Variants in SAMD13 observed in about 807,000 individuals in gnomAD.
SAMD13 encodes sterile alpha motif domain-containing protein 13.
In SAMD13, 9 loss-of-function variants were observed where a neutral mutation model predicts 12.4. The observed-to-expected ratio is 0.72, with a 90% CI of 0.44 to 1.26. The LOEUF is 1.26. Among genes scored for constraint, SAMD13 ranks in the 50% most tolerant of loss-of-function variants. SAMD13 has a pLI of 0.00. For synonymous variants in SAMD13, 46 were observed against 45.4 expected (o/e 1.01, Z -0.05); for missense variants, 84 against 119.6 (o/e 0.70, Z 1.39).
At chr1:84,341,078 G>A (rs1414495433) in intron 3 of SAMD13, among the ~76,000 whole-genome samples, 1 of 152,164 alleles carries the variant, frequency 6.6e-6, no homozygotes, top group East Asian at 1.9e-4. Flanking sequence ...TATATCATCA[G>A]CCCCACCTCA....
At chr1:84,300,225 C>G (rs1260095113), upstream of SAMD13, among the ~76,000 whole-genome samples, 2 of 152,312 alleles carry the variant, frequency 1.3e-5, no homozygotes, top group African/African-American at 4.8e-5. Context: ...GGTGAAAGAT[C>G]CACATGCCTG....
intron 3 of SAMD13, among the ~76,000 whole-genome samples, chr1:84,335,315 A>T (rs561128232): frequency 5.3e-5 from 8 of 151,998 alleles, no homozygotes; most frequent in Admixed American, 2.0e-4. Flanking sequence ...TCTTTTTTTT[A>T]AAATCGTTGT....
intron 3 of SAMD13, among the ~76,000 whole-genome samples, chr1:84,348,698 T>C (rs980748453): frequency 2.0e-5 from 3 of 152,180 alleles, no homozygotes; most frequent in African/African-American, 7.2e-5. Flanking sequence ...AAGCCTGTTT[T>C]TATTTCACCC....
chr1:84,349,803 A>G lies in SAMD13; in HGVS notation c.*29A>G, dbSNP rs546759596. On this transcript the variant is annotated 3_prime_UTR_variant, in exon 4 of 4. Transcript: ENST00000394834. Reference sequence around the variant, plus strand: ...AGTCAAATTGGGGTCTTCGACCTCAAAAAATACATAATGACATAATTTAGT... The same window carrying G: ...AGTCAAATTGGGGTCTTCGACCTCAGAAAATACATAATGACATAATTTAGT... The G allele has an allele frequency of 4.4e-6, 7 of 1,587,560 alleles. No homozygotes were observed. The highest frequency in any genetic ancestry group is 1.1e-5 in the South Asian group (1 of 87,832).
intron 2 of SAMD13, among the ~76,000 whole-genome samples, chr1:84,314,752 C>A (rs1678792726): frequency 6.6e-6 from 1 of 152,078 alleles, no homozygotes; most frequent in South Asian, 2.1e-4. Context: ...ACTATTAGCT[C>A]CCAAGACATT....
chr1:84,314,471 C>G (rs1362144718), intron 2 of SAMD13, among the ~76,000 whole-genome samples: 2 of 152,162 alleles, frequency 1.3e-5, no homozygotes, highest in Non-Finnish European at 2.9e-5. Context: ...TATCAAGCCT[C>G]AGATGTATCT....
At chr1:84,349,331 G>C (rs1679599927) in intron 3 of SAMD13, among the ~76,000 whole-genome samples, 1 of 152,168 alleles carries the variant, frequency 6.6e-6, no homozygotes, top group Admixed American at 6.5e-5. Flanking sequence ...TTCAGAAGCA[G>C]CATCTTTGAT....
At chr1:84,299,477 T>C (rs956989007), upstream of SAMD13, 2 of 481,296 alleles carry the variant, frequency 4.2e-6, no homozygotes, top group Admixed American at 4.6e-5. Context: ...CCTCTCCCCC[T>C]CACCCCCACA....
At position 84,302,781 on chromosome 1, in the gene SAMD13, A is replaced by C; in HGVS notation, c.-32-422A>C. 5 of 670,440 alleles carry C rather than the reference A, an allele frequency of 7.5e-6. No individual in the cohort carries two copies. In the African/African-American group the frequency reaches 7.9e-5, roughly 11 times the overall value. 41.5% of individuals were successfully genotyped at this position (670,440 alleles called of 1,614,324 possible). On this transcript the variant is annotated intron_variant, in intron 1 of 3. Coordinates refer to ENST00000394834, the MANE Select transcript of SAMD13 (RefSeq NM_001134663.2). ...GCAAGGGGGAGTGGACAAAAAAAAA[A>C]CCAAACACAATAAGAAAAAACAAAT...
chr1:84,312,902 A>G (rs1430050961), intron 2 of SAMD13, among the ~76,000 whole-genome samples: 2 of 152,156 alleles, frequency 1.3e-5, no homozygotes, highest in Non-Finnish European at 2.9e-5. Context: ...ATCAGGGGAA[A>G]TGTTATATGA....
At chr1:84,312,279 C>G (rs994285847) in intron 2 of SAMD13, among the ~76,000 whole-genome samples, 1 of 151,874 alleles carries the variant, frequency 6.6e-6, no homozygotes, top group African/African-American at 2.4e-5. Flanking sequence ...TTGCTATGTT[C>G]CAACAAATTG....
chr1:84,340,368 A>G (rs1017990397), intron 3 of SAMD13, among the ~76,000 whole-genome samples: 7 of 152,240 alleles, frequency 4.6e-5, no homozygotes, highest in Non-Finnish European at 1.0e-4. Context: ...TAAAATAGGC[A>G]AATTCATAGA....
intron 3 of SAMD13, among the ~76,000 whole-genome samples, chr1:84,328,750 A>G (rs1679112651): frequency 6.6e-6 from 1 of 152,170 alleles, no homozygotes; most frequent in Non-Finnish European, 1.5e-5. Flanking sequence ...TAGAAAATGC[A>G]GGCCTTCTCC....
chr1:84,313,131 C>T (rs1678751035), intron 2 of SAMD13, among the ~76,000 whole-genome samples: 1 of 152,082 alleles, frequency 6.6e-6, no homozygotes, highest in Admixed American at 6.6e-5. Flanking sequence ...TGTGCACATA[C>T]TCTATGTATC....
At chr1:84,328,089 G>A (rs1679097522) in intron 3 of SAMD13, among the ~76,000 whole-genome samples, 1 of 152,158 alleles carries the variant, frequency 6.6e-6, no homozygotes, top group African/African-American at 2.4e-5. Context: ...AAAGCCCTTT[G>A]CAGGTTGAGC....
At chr1:84,325,552 C>A (rs1044733366) in intron 2 of SAMD13, 85 bp from the exon 3 acceptor site, 2 of 771,848 alleles carry the variant, frequency 2.6e-6, no homozygotes, top group South Asian at 1.5e-5. Context: ...ACATGAAAGG[C>A]CTGTCCCAGA....
chr1:84,345,182 C>A (rs1300198497), intron 3 of SAMD13: 6 of 456,198 alleles, frequency 1.3e-5, no homozygotes, highest in Non-Finnish European at 2.6e-5. Context: ...CAGTAAATGG[C>A]AAGAGAGTTG....
chr1:84,320,303 TCTAAG>T (rs1238633449), intron 2 of SAMD13, among the ~76,000 whole-genome samples: 1 of 152,218 alleles, frequency 6.6e-6, no homozygotes, highest in African/African-American at 2.4e-5. Flanking sequence ...GCATCTGAAC[TCTAAG>T]CTAAAGAATT....
chr1:84,317,227 A>G (rs1019018478), intron 2 of SAMD13, among the ~76,000 whole-genome samples: 1 of 151,982 alleles, frequency 6.6e-6, no homozygotes, highest in African/African-American at 2.4e-5. Context: ...TCTGGCTAGG[A>G]TTTCCAGTCC....
Sources: allele counts gnomAD v4.1 joint callset (sites outside exome capture counted in the v4.1 genomes callset), GRCh38; gene constraint gnomAD v4.1.1; transcripts MANE v1.5; gene names NCBI Gene and HGNC (gene_info 2026-07-23, HGNC 2026-07-21).